TBCD: variants seen among roughly 807,000 people sequenced by gnomAD.
The protein encoded by TBCD is tubulin-specific chaperone D.
A neutral mutation model predicts 169.3 loss-of-function variants in TBCD; 105 were observed. The observed-to-expected ratio is 0.62, with a 90% confidence interval of 0.53 to 0.73. The LOEUF (loss-of-function observed/expected upper bound fraction) is 0.73. Among genes scored for constraint, TBCD ranks in the 30% least tolerant of loss-of-function variants. The pLI is 0.00. For synonymous variants in TBCD, 700 were observed against 643.9 expected, an observed-to-expected ratio of 1.09 and a Z score of -1.32; for missense variants, 1,444 against 1,600.1, an observed-to-expected ratio of 0.90 and a Z score of 1.66.
At chr17:82,928,618 T>C (rs1322184899) in intron 30 of TBCD, among the ~76,000 whole-genome samples, 1 of 152,088 alleles carries the variant, frequency 6.6e-6, no homozygotes, top group African/African-American at 2.4e-5. Context: ...GTCCAGGCCC[T>C]GCCCTTGCTG....
At chr17:82,822,963 G>GGAAGCAGCCGACATGGAAACCC (rs1297295293) in intron 13 of TBCD, among the ~76,000 whole-genome samples, 1 of 152,188 alleles carries the variant, frequency 6.6e-6, no homozygotes, top group African/African-American at 2.4e-5. Context: ...GAAAAGGGGA[G>GGAAGCAGCCGACATGGAAACCC]GAAGCAGCCG....
At position 82,902,528 on chromosome 17, in the gene TBCD, A is replaced by G. The variant is rs542204142; in HGVS notation, c.1731-877A>G. 1.9e-3 allele frequency among the ~76,000 whole-genome samples: 293 copies of G among 152,300 alleles called. 3 individuals are homozygous for G. The highest frequency in any genetic ancestry group is 6.9e-3 in the African/African-American group (287 of 41,560). On this transcript the variant is annotated intron_variant, in intron 18 of 38. Transcript: ENST00000355528. ...TCAGGGTGTGGAGTCCTGGCACATG[A>G]GACGCCACCTGCCTCGAAGAGCTCT...
chr17:82,921,507 G>A lies in TBCD; in HGVS notation c.2108G>A (p.Trp703Ter). 6.2e-7 allele frequency: 1 copy of A among 1,613,952 alleles called. No individual in the cohort carries two copies. The highest frequency in any genetic ancestry group is 8.5e-7 in the Non-Finnish European group (1 of 1,179,838). Residue 703 changes from tryptophan to a stop codon, truncating the protein, a stop_gained, in exon 25 of 39, where the codon TGG becomes TAG. Transcript: ENST00000355528. LOFTEE classifies it high-confidence loss of function. ...PFRGDTVIDG[W>*]QWLINDTLRH... ...TAACTTGATTTTTTGACAGATGGTT[G>A]GCAATGGCTGATAAATGACACTTTG...
At chr17:82,883,556 T>C (rs1422161334) in intron 14 of TBCD, among the ~76,000 whole-genome samples, 3 of 152,154 alleles carry the variant, frequency 2.0e-5, no homozygotes, top group African/African-American at 7.2e-5. Context: ...GTGCGGTGGT[T>C]TTCCTGCCAC....
At position 82,832,875 on chromosome 17, in the gene TBCD, T is replaced by C. The variant is rs2053640519; in HGVS notation, c.1318+17941T>C. 6.6e-6 allele frequency among the ~76,000 whole-genome samples: 1 copy of C among 152,220 alleles called. No homozygotes were observed. The highest frequency in any genetic ancestry group is 6.5e-5 in the Admixed American group (1 of 15,284). ...CTGAGTCTGATCTGAAAGAGTCACCTCGGGGCCTAGAGGTGGAGTGTGGTG... is the reference window on the plus strand; with the variant it reads ...CTGAGTCTGATCTGAAAGAGTCACCCCGGGGCCTAGAGGTGGAGTGTGGTG... On this transcript the variant is annotated intron_variant, in intron 13 of 38. Transcript: ENST00000355528. The surrounding 1 kb of genome is among the most constrained non-coding windows in gnomAD (Gnocchi z 4.9).
intron 2 of TBCD, among the ~76,000 whole-genome samples, chr17:82,761,871 G>T (rs2047776158): frequency 6.6e-6 from 1 of 151,494 alleles, no homozygotes; most frequent in Non-Finnish European, 1.5e-5. Flanking sequence ...GACTACGGGT[G>T]CCCGCCAACA....
At chr17:82,938,008 C>T (rs561132197) in intron 35 of TBCD, 41 bp from the exon 36 acceptor site, 24 of 1,608,630 alleles carry the variant, frequency 1.5e-5, no homozygotes, top group East Asian at 8.9e-5. Context: ...TTGGCCTGCG[C>T]GGGGTGGGGC....
intron 13 of TBCD, chr17:82,838,543 T>C: frequency 1.6e-6 from 1 of 616,564 alleles, no homozygotes; most frequent in Non-Finnish European, 2.0e-6. Flanking sequence ...GTAATTACAA[T>C]ATTGTGATGT....
Position 82,797,759 on chromosome 17 carries a change from A to G in TBCD, c.774A>G (p.Ala258=). 1 of 1,520,658 alleles carries G rather than the reference A, an allele frequency of 6.6e-7. No homozygotes were observed. The highest frequency in any genetic ancestry group is 8.9e-7 in the Non-Finnish European group (1 of 1,127,994). The allele number at this position is 1,520,658 out of a possible 1,614,324, so 94.2% of individuals were successfully genotyped here. Residue 258 remains alanine (A), a splice_region_variant and synonymous_variant, in exon 8 of 39, where the codon GCA becomes GCG. Transcript: ENST00000355528. ...ITMDGTLQAL[A]QIFKHGKRED... ...AAAATCTTTTTTTTTTTTTTTAGGC[A>G]CAAATATTTAAACATGGAAAACGTG...
At chr17:82,817,242 C>T (rs543867185) in intron 13 of TBCD, among the ~76,000 whole-genome samples, 2 of 152,218 alleles carry the variant, frequency 1.3e-5, no homozygotes, top group African/African-American at 4.8e-5. Context: ...GCCATATTCC[C>T]ACCTTAGCTT....
chr17:82,920,719 G>A lies in TBCD; in HGVS notation c.2101+101G>A, dbSNP rs1358159498. 4 of 1,046,768 alleles carry A rather than the reference G, an allele frequency of 3.8e-6. No individual in the cohort carries two copies. In the East Asian group the frequency reaches 1.0e-4, roughly 27 times the overall value. The allele number at this position is 1,046,768 out of a possible 1,614,324, so 64.8% of individuals were successfully genotyped here. The stretch of plus-strand genomic sequence containing the variant: ...AGGATGGGGGCGATAAACGATTATA[G>A]CTTAAAGGTTCAAGATATTAATCGG... On this transcript the variant is annotated intron_variant, in intron 24 of 38. Coordinates refer to ENST00000355528, the MANE Select transcript of TBCD (RefSeq NM_005993.5). This position sits in a 1 kb window ranked among gnomAD's most constrained non-coding sequence, Gnocchi z 4.1.
Position 82,943,867 on chromosome 17 carries a change from G to A in TBCD, c.*1404G>A, listed in dbSNP as rs1411524314. 1 of 152,296 alleles carries A rather than the reference G, an allele frequency of 6.6e-6. No homozygotes were observed. Among genetic ancestry groups the A allele is most frequent in the African/African-American group, 2.4e-5 (1 of 41,456 alleles). The allele number at this position is 152,296 out of a possible 1,614,324, so 9.4% of individuals were successfully genotyped here. On this transcript the variant is annotated 3_prime_UTR_variant, in exon 39 of 39. Transcript: ENST00000355528. ...CCTCCTTGAACTGTCCCGATTGGCTGGGGTCACGTGGTGAGGGTCCTGGGT... is the reference window on the plus strand; with the variant it reads ...CCTCCTTGAACTGTCCCGATTGGCTAGGGTCACGTGGTGAGGGTCCTGGGT...
At position 82,932,742 on chromosome 17, in the gene TBCD, C is replaced by T; in HGVS notation, c.3191+7C>T. 3 of 1,613,734 alleles carry T rather than the reference C, an allele frequency of 1.9e-6. No homozygotes were observed. The highest frequency in any genetic ancestry group is 2.5e-6 in the Non-Finnish European group (3 of 1,179,818). On this transcript the variant is annotated splice_region_variant and intron_variant, in intron 34 of 38. Coordinates refer to ENST00000355528, the MANE Select transcript of TBCD (RefSeq NM_005993.5). ...TCTTCACCACGGAGGAGGAGTGAGG[C>T]TCTGCTTTTCATGACTTCCTTTCCG...
chr17:82,914,235 C>G lies in TBCD; in HGVS notation c.2038+2446C>G, dbSNP rs192115462. The G allele has an allele frequency of 7.9e-3, 1,206 of 152,608 alleles. 3 individuals are homozygous for G. The highest frequency in any genetic ancestry group is 0.013 in the Non-Finnish European group (855 of 68,112). 9.5% of individuals were successfully genotyped at this position (152,608 alleles called of 1,614,324 possible). ...CTTCACGCCATCCGGGTTCTCGGTG[C>G]TCTGCTCTGAAGGATGGTGGAGGGC... On this transcript the variant is annotated intron_variant, in intron 23 of 38. Transcript: ENST00000355528.
chr17:82,776,961 G>A lies in TBCD; in HGVS notation c.638+4454G>A, dbSNP rs148125691. Among the ~76,000 whole-genome samples the A allele has an allele frequency of 4.7e-3, 714 of 152,260 alleles. 4 individuals carry two copies. The Middle Eastern group carries it at 0.048, about 10-fold the overall frequency. On this transcript the variant is annotated intron_variant, in intron 6 of 38. Coordinates refer to ENST00000355528, the MANE Select transcript of TBCD (RefSeq NM_005993.5). ...ACTCCGCTTCGTGACCTGACTCTGC[G>A]TGTCTGTGGGCTCCTTGGGGCCTTT...
intron 6 of TBCD, among the ~76,000 whole-genome samples, chr17:82,776,180 T>C (rs111398395): frequency 6.6e-6 from 1 of 152,004 alleles, no homozygotes; most frequent in Admixed American, 6.6e-5. Flanking sequence ...GATCGCACCA[T>C]TGCACTCCAG....
intron 13 of TBCD, among the ~76,000 whole-genome samples, chr17:82,846,415 C>G (rs1330261356): frequency 1.3e-5 from 2 of 151,874 alleles, no homozygotes; most frequent in Non-Finnish European, 2.9e-5. Context: ...GCCCGCTGCT[C>G]TCTTTGGGAC....
intron 21 of TBCD, 56 bp from the exon 22 acceptor site, chr17:82,909,229 A>C: frequency 5.9e-4 from 677 of 1,145,746 alleles, no homozygotes; most frequent in Non-Finnish European, 7.7e-4. Flanking sequence ...TTGTTAACGT[A>C]TACGTATTAT....
chr17:82,798,101 C>T (rs1191772120), intron 8 of TBCD, among the ~76,000 whole-genome samples: 11 of 149,922 alleles, frequency 7.3e-5, no homozygotes, highest in Admixed American at 4.0e-4. Flanking sequence ...CTCAGCCTCC[C>T]GAGTAGCTGG....
Sources: gnomAD v4.1 joint callset for allele counts (sites outside exome capture counted in the v4.1 genomes callset) on GRCh38, gnomAD v4.1.1 for gene constraint, Gnocchi (gnomAD v3.1) non-coding constraint, MANE v1.5 for transcripts, NCBI Gene and HGNC (gene_info 2026-07-23, HGNC 2026-07-21) for gene names.